NHSL1: variants seen among roughly 807,000 people sequenced by gnomAD.
NHSL1 encodes the protein NHS-like protein 1.
A neutral mutation model predicts 95.0 loss-of-function variants in NHSL1; 48 were observed. The ratio of observed to expected loss-of-function variants is 0.51; its 90% CI spans 0.40 to 0.64. The LOEUF is 0.64. Among genes scored for constraint, NHSL1 ranks in the 30% least tolerant of loss-of-function variants. The pLI is 0.00. For missense variants in NHSL1, 1,971 were observed against 2,077.7 expected, an observed-to-expected ratio of 0.95 and a Z score of 1.00; for synonymous variants, 783 against 833.9, an observed-to-expected ratio of 0.94 and a Z score of 1.05.
At chr6:138,538,059 T>G (rs1288211610) in intron 1 of NHSL1, among the ~76,000 whole-genome samples, 3 of 152,186 alleles carry the variant, frequency 2.0e-5, no homozygotes, top group Non-Finnish European at 1.5e-5. Context: ...TATTTCAAAA[T>G]GTCGACAAAT....
chr6:138,585,457 G>A (rs897111687), intron 1 of NHSL1, among the ~76,000 whole-genome samples: 3 of 152,086 alleles, frequency 2.0e-5, no homozygotes, highest in Admixed American at 6.5e-5. Flanking sequence ...GTGAAATTCC[G>A]ACAAGTTAAA....
At chr6:138,512,741 T>A (rs924347392) in intron 1 of NHSL1, among the ~76,000 whole-genome samples, 7 of 152,070 alleles carry the variant, frequency 4.6e-5, no homozygotes, top group Non-Finnish European at 1.0e-4. Context: ...CATTAAGAAG[T>A]CTTGGGGCAG....
At chr6:138,581,898 T>C (rs999839050) in intron 1 of NHSL1, among the ~76,000 whole-genome samples, 1 of 69,386 alleles carries the variant, frequency 1.4e-5, no homozygotes, top group Non-Finnish European at 2.3e-5. Context: ...TTTTTCTTTC[T>C]TTTTTTTTTT....
Position 138,692,383 on chromosome 6 carries a change from C to A in NHSL1, c.96+93G>T. 3.4e-6 allele frequency: 1 copy of A among 298,462 alleles called. No individual in the cohort carries two copies. The highest frequency in any genetic ancestry group is 3.0e-5 in the South Asian group (1 of 33,624). The allele number at this position is 298,462 out of a possible 1,614,324, so 18.5% of individuals were successfully genotyped here. On this transcript the variant is annotated intron_variant, in intron 1 of 3. Coordinates refer to the NHSL1 transcript ENST00000491526. This position sits in a 1 kb window ranked among gnomAD's most constrained non-coding sequence, Gnocchi z 4.0. The stretch of plus-strand genomic sequence containing the variant: ...CGACATCGCGGGGCTCCGCGGCCCC[C>A]GCGCCGACCCAGGGCCGCCAGGGGG...
At chr6:138,437,397 T>TATACAC (rs1776229059) in intron 5 of NHSL1, among the ~76,000 whole-genome samples, 1 of 110,820 alleles carries the variant, frequency 9.0e-6, no homozygotes. Context: ...CACATATATA[T>TATACAC]ATATATACAC....
At chr6:138,445,082 GA>G (rs1776776669) in intron 4 of NHSL1, among the ~76,000 whole-genome samples, 1 of 152,130 alleles carries the variant, frequency 6.6e-6, no homozygotes, top group African/African-American at 2.4e-5. Context: ...TTAAAGCTCA[GA>G]GACATGACAC....
chr6:138,441,959 G>C, intron 5 of NHSL1, 24 bp downstream of exon 5: 1 of 1,539,524 alleles, frequency 6.5e-7, no homozygotes, highest in Non-Finnish European at 8.8e-7. Context: ...AAGGGCAACA[G>C]AATACAGTTC....
At chr6:138,611,203 G>A (rs936102901) in intron 1 of NHSL1, among the ~76,000 whole-genome samples, 9 of 152,198 alleles carry the variant, frequency 5.9e-5, no homozygotes, top group African/African-American at 2.2e-4. Context: ...TGAATGCTTA[G>A]TAGGAAACCG....
intron 1 of NHSL1, among the ~76,000 whole-genome samples, chr6:138,608,310 A>G (rs528326420): frequency 6.6e-6 from 1 of 152,356 alleles, no homozygotes; most frequent in South Asian, 2.1e-4. Flanking sequence ...GATAGCCTCA[A>G]GATTCTAAAT....
chr6:138,491,005 T>C (rs1780047912), intron 2 of NHSL1, among the ~76,000 whole-genome samples: 2 of 152,228 alleles, frequency 1.3e-5, no homozygotes, highest in South Asian at 4.1e-4. Flanking sequence ...TAAGTAGTTA[T>C]TTTTTCACAT....
Position 138,432,836 on chromosome 6 carries a change from T to C in NHSL1, c.1509A>G (p.Leu503=), listed in dbSNP as rs1775798782. The C allele has an allele frequency of 2.6e-6, 4 of 1,551,614 alleles. No homozygotes were observed. The highest frequency in any genetic ancestry group is 2.4e-5 in the East Asian group (1 of 40,896). ...LLSLCDSAVP[L]NAPANRENGS... is the part of the protein sequence containing the mutation. ...CATTCTCCCTATTTGCTGGAGCATT[T>C]AGAGGGACGGCTGAGTCACAGAGGG... Residue 503 remains leucine (L), a synonymous_variant, in exon 6 of 8, where the codon CTA becomes CTG. Coordinates refer to ENST00000343505, the MANE Select transcript of NHSL1 (RefSeq NM_001144060.2). The surrounding 1 kb of genome is among the most constrained non-coding windows in gnomAD (Gnocchi z 4.4).
chr6:138,479,109 A>G (rs961221264), intron 2 of NHSL1, among the ~76,000 whole-genome samples: 2 of 152,190 alleles, frequency 1.3e-5, no homozygotes, highest in African/African-American at 4.8e-5. Flanking sequence ...AACCACAGAC[A>G]GTACCAAATC....
intron 1 of NHSL1, among the ~76,000 whole-genome samples, chr6:138,680,276 G>A (rs1023862140): frequency 5.3e-5 from 8 of 152,062 alleles, no homozygotes; most frequent in Non-Finnish European, 7.4e-5. Flanking sequence ...CACTGACCAC[G>A]GCTGCTCTAT....
rs773463902 is a variant in NHSL1, at chr6:138,424,401, G to C, written c.4501C>G (p.Arg1501Gly). Residue 1501 changes from arginine (R) to glycine (G), a missense_variant, in exon 8 of 8, where the codon CGA becomes GGA. Physicochemically the swap from Arg to Gly is moderately radical, Grantham distance 125. Around this residue, in one of 3 missense-constraint regions of NHSL1, gnomAD observed 223 missense variants for 217.0 expected, o/e 1.03. Coordinates refer to ENST00000343505, the MANE Select transcript of NHSL1 (RefSeq NM_001144060.2). The surrounding 1 kb of genome is among the most constrained non-coding windows in gnomAD (Gnocchi z 5.9). ...CTGCTGGCGGCAGAAGGCGGCGTTC[G>C]GCTGCGGCCGTACCTGGGGCCGGAA... ...SFSGPRYGRS[R>G]TPPSAASSRY... 1 of 1,549,914 alleles carries C rather than the reference G, an allele frequency of 6.5e-7. No individual in the cohort carries two copies. Among genetic ancestry groups the C allele is most frequent in the Non-Finnish European group, 8.7e-7 (1 of 1,145,960 alleles).
At chr6:138,612,916 T>C (rs1446634973) in intron 1 of NHSL1, among the ~76,000 whole-genome samples, 2 of 152,218 alleles carry the variant, frequency 1.3e-5, no homozygotes, top group South Asian at 2.1e-4. Flanking sequence ...GGCATGGAGA[T>C]ACCACTTTTA....
At chr6:138,634,188 T>C (rs771757885) in intron 1 of NHSL1, among the ~76,000 whole-genome samples, 5 of 151,966 alleles carry the variant, frequency 3.3e-5, no homozygotes, top group Admixed American at 6.5e-5. Context: ...AACAACAAAA[T>C]GGCAAGAGTA....
At chr6:138,621,752 T>C (rs1361109758) in intron 1 of NHSL1, among the ~76,000 whole-genome samples, 1 of 152,114 alleles carries the variant, frequency 6.6e-6, no homozygotes, top group Non-Finnish European at 1.5e-5. Context: ...AAAAAAAATA[T>C]GCATGCAAAC....
intron 3 of NHSL1, among the ~76,000 whole-genome samples, chr6:138,467,301 C>T (rs1456569541): frequency 2.6e-5 from 4 of 151,966 alleles, no homozygotes; most frequent in African/African-American, 7.2e-5. Flanking sequence ...CGCAGGTGCC[C>T]GCCACCTCGC....
intron 2 of NHSL1, among the ~76,000 whole-genome samples, chr6:138,477,471 C>A (rs1430369477): frequency 6.6e-6 from 1 of 152,050 alleles, no homozygotes; most frequent in African/African-American, 2.4e-5. Context: ...GGCATGGTGG[C>A]ATGTGCCTGT....
Sources: allele counts gnomAD v4.1 joint callset (sites outside exome capture counted in the v4.1 genomes callset), GRCh38; gene constraint gnomAD v4.1.1; regional missense constraint gnomAD v4.1.1; non-coding constraint Gnocchi (gnomAD v3.1); transcripts MANE v1.5; gene names NCBI Gene and HGNC (gene_info 2026-07-23, HGNC 2026-07-21).